KDM4C: variants seen among roughly 807,000 people sequenced by gnomAD.
KDM4C encodes lysine-specific demethylase 4C.
KDM4C carries 81 observed loss-of-function variants against 129.3 expected under a neutral mutation model. That is an observed-to-expected ratio of 0.63 (90% confidence interval 0.52 to 0.75). KDM4C has a LOEUF of 0.75. Ranked by LOEUF, KDM4C falls within the 30% of genes least tolerant of loss-of-function variation. KDM4C has a pLI of 0.00. For synonymous variants in KDM4C, 573 were observed against 456.1 expected (o/e 1.26, Z -3.26); for missense variants, 1,457 against 1,304.0 (o/e 1.12, Z -1.81).
chr9:6,885,567 G>A (rs1265464530), intron 6 of KDM4C, among the ~76,000 whole-genome samples: 1 of 150,388 alleles, frequency 6.6e-6, no homozygotes, highest in African/African-American at 2.4e-5. Flanking sequence ...TTGGAAGAAT[G>A]ATTCCAAAGA....
chr9:6,757,888 A>C, upstream of KDM4C: 1 of 985,400 alleles, frequency 1.0e-6, no homozygotes, highest in Non-Finnish European at 1.2e-6. Flanking sequence ...CGTGCCGGGC[A>C]CCTTTAAGCT....
chr9:6,734,288 G>GTTTTTTT (rs57329090), intron 1 of KDM4C, among the ~76,000 whole-genome samples: 2 of 110,292 alleles, frequency 1.8e-5, no homozygotes, highest in Admixed American at 9.6e-5. Context: ...CCCATGTTTG[G>GTTTTTTT]TTTTTTTTTT....
At chr9:6,989,678 A>G (rs1026232230) in intron 11 of KDM4C, among the ~76,000 whole-genome samples, 2 of 139,090 alleles carry the variant, frequency 1.4e-5, no homozygotes, top group African/African-American at 5.0e-5. Flanking sequence ...CTCTGTGAGG[A>G]TAGAAAATAA....
intron 8 of KDM4C, among the ~76,000 whole-genome samples, chr9:6,937,286 G>T (rs1419751570): frequency 2.6e-5 from 4 of 152,124 alleles, no homozygotes; most frequent in African/African-American, 9.7e-5. Context: ...TTGAAATTCT[G>T]AAGACAGAAA....
At chr9:6,848,510 A>G (rs995705240) in intron 4 of KDM4C, among the ~76,000 whole-genome samples, 2 of 152,042 alleles carry the variant, frequency 1.3e-5, no homozygotes, top group African/African-American at 4.8e-5. Context: ...TCTACTCAAA[A>G]TACGAAACAT....
intron 19 of KDM4C, among the ~76,000 whole-genome samples, chr9:7,144,401 A>G (rs1842037690): frequency 6.6e-6 from 1 of 152,080 alleles, no homozygotes; most frequent in Non-Finnish European, 1.5e-5. Flanking sequence ...AGTGTTACCC[A>G]TTTGCTCAAA....
intron 1 of KDM4C, among the ~76,000 whole-genome samples, chr9:6,765,062 A>G (rs1820348035): frequency 6.6e-6 from 1 of 152,136 alleles, no homozygotes; most frequent in Non-Finnish European, 1.5e-5. Flanking sequence ...CCTCCAATGC[A>G]TTATCCTACC....
intron 12 of KDM4C, among the ~76,000 whole-genome samples, chr9:6,992,591 C>A (rs186990895): frequency 1.3e-5 from 2 of 152,146 alleles, no homozygotes; most frequent in Non-Finnish European, 2.9e-5. Context: ...TTATTTACAT[C>A]ATTGGGAACT....
intron 1 of KDM4C, among the ~76,000 whole-genome samples, chr9:6,780,924 T>C (rs899970016): frequency 1.3e-5 from 2 of 152,190 alleles, no homozygotes; most frequent in African/African-American, 4.8e-5. Flanking sequence ...GATTCAGTCT[T>C]GGCTTTTTGG....
intron 7 of KDM4C, among the ~76,000 whole-genome samples, chr9:6,889,278 TAGA>T (rs1259864401): frequency 7.0e-6 from 1 of 143,666 alleles, no homozygotes; most frequent in African/African-American, 2.6e-5. Flanking sequence ...TTGTTCAAAG[TAGA>T]AGTTTTTCAA....
At chr9:7,164,946 A>G (rs574811368) in intron 19 of KDM4C, among the ~76,000 whole-genome samples, 1 of 152,294 alleles carries the variant, frequency 6.6e-6, no homozygotes, top group Non-Finnish European at 1.5e-5. Flanking sequence ...AGCGGTTTCT[A>G]TGCATATTTT....
intron 8 of KDM4C, among the ~76,000 whole-genome samples, chr9:6,903,198 C>A (rs371518444): frequency 6.6e-6 from 1 of 152,024 alleles, no homozygotes; most frequent in Non-Finnish European, 1.5e-5. Flanking sequence ...AGCATATTCC[C>A]AGTTCTTAGG....
chr9:6,940,638 A>C (rs140555959), intron 8 of KDM4C, among the ~76,000 whole-genome samples: 4 of 151,200 alleles, frequency 2.6e-5, no homozygotes, highest in African/African-American at 9.7e-5. Context: ...GGGAAAAAAA[A>C]CGTAGCCACC....
chr9:6,834,749 G>T (rs559370429), intron 4 of KDM4C: 1 of 1,064,666 alleles, frequency 9.4e-7, no homozygotes, highest in East Asian at 2.4e-5. Flanking sequence ...TGTGGTTCCC[G>T]AGGAGCATCC....
intron 12 of KDM4C, among the ~76,000 whole-genome samples, chr9:6,993,213 A>G (rs1257253417): frequency 6.6e-6 from 1 of 152,184 alleles, no homozygotes; most frequent in Non-Finnish European, 1.5e-5. Context: ...AAGAATAATG[A>G]TTAGAATGTA....
chr9:6,819,391 C>A (rs1381816911), intron 4 of KDM4C, among the ~76,000 whole-genome samples: 3 of 152,196 alleles, frequency 2.0e-5, no homozygotes, highest in African/African-American at 7.2e-5. Context: ...ATCCAATGAA[C>A]AAAATCCACT....
At chr9:6,806,277 C>A (rs552152658) in intron 3 of KDM4C, among the ~76,000 whole-genome samples, 1 of 152,166 alleles carries the variant, frequency 6.6e-6, no homozygotes, top group South Asian at 2.1e-4. Flanking sequence ...GGCGGATCAC[C>A]TGAGGTCGGG....
At chr9:6,808,517 C>T (rs983133887) in intron 3 of KDM4C, among the ~76,000 whole-genome samples, 1 of 146,052 alleles carries the variant, frequency 6.8e-6, no homozygotes, top group Non-Finnish European at 1.5e-5. Flanking sequence ...AGAGTCATTA[C>T]CAATCCCTAA....
chr9:7,087,538 T>A (rs1011258931), intron 17 of KDM4C, among the ~76,000 whole-genome samples: 41 of 152,258 alleles, frequency 2.7e-4, no homozygotes, highest in East Asian at 3.9e-4. Flanking sequence ...GGAAATTTTT[T>A]AAAAAAATTA....
Sources: gnomAD v4.1 joint callset for allele counts (sites outside exome capture counted in the v4.1 genomes callset) on GRCh38, gnomAD v4.1.1 for gene constraint, MANE v1.5 for transcripts, NCBI Gene and HGNC (gene_info 2026-07-23, HGNC 2026-07-21) for gene names.